Variants in ZNF528 observed in about 807,000 individuals in gnomAD.
The protein encoded by ZNF528 is zinc finger protein 528.
In ZNF528, 9 loss-of-function variants were observed where a neutral mutation model predicts 13.3. The observed-to-expected ratio is 0.67, with a 90% CI of 0.41 to 1.18. The LOEUF (loss-of-function observed/expected upper bound fraction) is 1.18, where lower values mean the gene tolerates loss of function less well. ZNF528 is among the 50% of genes most tolerant of loss of function. The pLI is 0.01. For synonymous variants in ZNF528, 264 were observed against 254.3 expected (o/e 1.04, Z -0.36); for missense variants, 858 against 745.4 (o/e 1.15, Z -1.76).
chr19:52,400,227 AACACACACACAC>A (rs56136198), intron 2 of ZNF528, among the ~76,000 whole-genome samples: 70 of 144,610 alleles, frequency 4.8e-4, no homozygotes, highest in African/African-American at 7.7e-4. Context: ...TGCCCATTAA[AACACACACACAC>A]ACACACACAC....
chr19:52,411,335 G>T (rs959835594), intron 6 of ZNF528: 2 of 152,146 alleles, frequency 1.3e-5, no homozygotes, highest in East Asian at 3.9e-4. Context: ...GTATAATAAA[G>T]AAACAATCCT....
rs760176221 is a variant in ZNF528, at chr19:52,415,615, A to G, written c.763A>G (p.Asn255Asp). Residue 255 changes from asparagine to aspartate, a missense_variant, in exon 7 of 7, where the codon AAC (asparagine) becomes GAC (aspartate). Asn to Asp is a conservative substitution (Grantham distance 23, BLOSUM62 1). Transcript: ENST00000360465. Reference protein sequence around the residue: ...ECGKLFSSNSNLSQHQRIHTG... With the variant: ...ECGKLFSSNSDLSQHQRIHTG... The stretch of plus-strand genomic sequence containing the variant: ...TGGCAAGCTCTTCAGTAGCAATTCA[A>G]ACCTTTCACAACATCAAAGAATTCA... The G allele has an allele frequency of 8.1e-6, 13 of 1,613,978 alleles. No individual in the cohort carries two copies. The highest frequency in any genetic ancestry group is 1.1e-5 in the South Asian group (1 of 91,078).
intron 4 of ZNF528, among the ~76,000 whole-genome samples, chr19:52,405,309 T>C (rs191166608): frequency 1.3e-5 from 2 of 151,222 alleles, no homozygotes; most frequent in Admixed American, 6.6e-5. Context: ...GGTGGGAGGA[T>C]AGCTTGAGTT....
Position 52,415,419 on chromosome 19 carries a change from T to A in ZNF528, c.567T>A (p.Asn189Lys). Reference protein sequence around the residue: ...AHIREKAYKCNEHGQVFRASA... With the variant: ...AHIREKAYKCKEHGQVFRASA... Reference sequence around the variant, plus strand: ...TTAGGGAAAAAGCTTATAAATGTAATGAGCACGGCCAAGTCTTTAGAGCAT... The same window carrying A: ...TTAGGGAAAAAGCTTATAAATGTAAAGAGCACGGCCAAGTCTTTAGAGCAT... The change falls in exon 7 of 7, where the codon AAT (asparagine) becomes AAA (lysine). Residue 189 changes from asparagine to lysine, a missense_variant. By Grantham distance (94) the Asn-to-Lys change is moderately conservative. Transcript: ENST00000360465. The A allele has an allele frequency of 6.2e-7, 1 of 1,614,204 alleles. No individual in the cohort carries two copies. The highest frequency in any genetic ancestry group is 8.5e-7 in the Non-Finnish European group (1 of 1,180,040).
intron 6 of ZNF528, chr19:52,408,635 A>C (rs1395059211): frequency 6.6e-6 from 1 of 151,558 alleles, no homozygotes; most frequent in Non-Finnish European, 1.5e-5. Flanking sequence ...GTGCAATGGC[A>C]GGATCTTGGC....
chr19:52,399,270 T>C (rs1264207140), intron 2 of ZNF528, among the ~76,000 whole-genome samples: 2 of 152,136 alleles, frequency 1.3e-5, no homozygotes, highest in Non-Finnish European at 2.9e-5. Flanking sequence ...GATTGGAAAT[T>C]ATGATTGAAT....
intron 4 of ZNF528, among the ~76,000 whole-genome samples, chr19:52,405,347 A>G (rs923868998): frequency 5.9e-5 from 9 of 152,242 alleles, no homozygotes; most frequent in African/African-American, 1.7e-4. Context: ...CCTGAGCAAC[A>G]TGGTGAGACA....
chr19:52,402,410 T>A, intron 4 of ZNF528: 1 of 161,662 alleles, frequency 6.2e-6, no homozygotes, highest in Non-Finnish European at 1.3e-5. Context: ...TTCTTCTTTC[T>A]TTTTTTTTTT....
intron 4 of ZNF528, among the ~76,000 whole-genome samples, chr19:52,402,275 C>A (rs545314081): frequency 2.4e-4 from 36 of 152,044 alleles, no homozygotes; most frequent in Non-Finnish European, 4.6e-4. Flanking sequence ...TGGATGGAGA[C>A]GGGGTGTGGG....
intron 2 of ZNF528, among the ~76,000 whole-genome samples, chr19:52,400,857 CTT>C (rs1052682873): frequency 6.6e-6 from 1 of 152,086 alleles, no homozygotes; most frequent in Non-Finnish European, 1.5e-5. Context: ...GTCCTCCTGT[CTT>C]TTTCTGTCAG....
rs1309718560 is a variant in ZNF528 at position 52,415,664 on chromosome 19, G to A, written c.812G>A (p.Cys271Tyr). ...CATACTGGAGAGAAGCCTTACAAAT[G>A]TCATGAATGTGACAAGGTCTTTCGA... ...RIHTGEKPYKCHECDKVFRSS... is the reference protein window; with the variant it reads ...RIHTGEKPYKYHECDKVFRSS... The change falls in exon 7 of 7, where the codon TGT becomes TAT. Residue 271 changes from cysteine to tyrosine, a missense_variant. By Grantham distance (194) the Cys-to-Tyr change is radical. Transcript: ENST00000360465. 2 of 1,614,056 alleles carry A rather than the reference G, an allele frequency of 1.2e-6. No homozygotes were observed. Among genetic ancestry groups the A allele is most frequent in the African/African-American group, 2.7e-5 (2 of 74,934 alleles).
chr19:52,401,212 CA>C (rs1391448697), intron 2 of ZNF528, among the ~76,000 whole-genome samples: 1 of 152,108 alleles, frequency 6.6e-6, no homozygotes, highest in East Asian at 1.9e-4. Context: ...CATCCACAGG[CA>C]TCTCCACCTC....
At chr19:52,411,119 A>T (rs187110305) in intron 6 of ZNF528, among the ~76,000 whole-genome samples, 7 of 152,304 alleles carry the variant, frequency 4.6e-5, no homozygotes, top group African/African-American at 1.7e-4. Context: ...TGGCCAGAAG[A>T]ATATCATCCA....
intron 6 of ZNF528, among the ~76,000 whole-genome samples, chr19:52,409,064 C>T (rs1338600200): frequency 1.3e-5 from 2 of 152,048 alleles, no homozygotes; most frequent in African/African-American, 4.8e-5. Flanking sequence ...TTCTTCATTG[C>T]TGTTTTGCCT....
Position 52,398,574 on chromosome 19 carries a change from G to A in ZNF528, c.-182G>A, listed in dbSNP as rs1568674728. 1 of 985,426 alleles carries A rather than the reference G, an allele frequency of 1.0e-6. No individual in the cohort carries two copies. Among genetic ancestry groups the A allele is most frequent in the East Asian group, 1.1e-4 (1 of 8,814 alleles). The allele number at this position is 985,426 out of a possible 1,614,324, so 61.0% of individuals were successfully genotyped here. The stretch of plus-strand genomic sequence containing the variant: ...CAGAGGAAATAGAGAAATTTTGAAA[G>A]AGAAATGAAGAATGAGAGACCCATT... On this transcript the variant is annotated 5_prime_UTR_variant, in exon 2 of 7. Transcript: ENST00000360465.
At chr19:52,409,042 C>G (rs2058895726) in intron 6 of ZNF528, among the ~76,000 whole-genome samples, 1 of 152,100 alleles carries the variant, frequency 6.6e-6, no homozygotes, top group South Asian at 2.1e-4. Flanking sequence ...GTGAGTTTTG[C>G]TAAGTGTAGT....
Position 52,401,542 on chromosome 19 carries a change from T to A in ZNF528, c.-136-143T>A, listed in dbSNP as rs1349045337. The A allele has an allele frequency of 5.1e-6, 3 of 592,960 alleles. No homozygotes were observed. In the African/African-American group the frequency reaches 6.0e-5, roughly 12 times the overall value. 36.7% of individuals were successfully genotyped at this position (592,960 alleles called of 1,614,324 possible). On this transcript the variant is annotated intron_variant, in intron 2 of 6. Transcript: ENST00000360465. The stretch of plus-strand genomic sequence containing the variant: ...CATCTCCTGCCTCTGTTCTTCCCGC[T>A]CCCTCTACTGCAACTACACAGCCCC...
chr19:52,401,966 A>G lies in ZNF528; in HGVS notation c.-48A>G, dbSNP rs375181459. Reference sequence around the variant, plus strand: ...ATTCAGGATTCACTTCCAAAGAGACATATTATGCAAGGAAGCAACTTGGAA... The same window carrying G: ...ATTCAGGATTCACTTCCAAAGAGACGTATTATGCAAGGAAGCAACTTGGAA... On this transcript the variant is annotated 5_prime_UTR_variant, in exon 4 of 7. Coordinates refer to ENST00000360465, the MANE Select transcript of ZNF528 (RefSeq NM_032423.3). The G allele has an allele frequency of 7.6e-5, 122 of 1,614,094 alleles. No individual in the cohort carries two copies. The East Asian group carries it at 1.3e-3, about 17-fold the overall frequency.
In ZNF528 at chr19:52,405,954, G is replaced by T; in HGVS notation, c.63G>T (p.Glu21Asp). 4.3e-6 allele frequency: 7 copies of T among 1,612,240 alleles called. No individual in the cohort carries two copies. Among genetic ancestry groups the T allele is most frequent in the Non-Finnish European group, 5.9e-6 (7 of 1,178,684 alleles). The change falls in exon 5 of 7, where the codon GAG becomes GAT. Residue 21 changes from glutamate to aspartate, a missense_variant. By Grantham distance (45) the Glu-to-Asp change is conservative (BLOSUM62 2). Transcript: ENST00000360465. ...MDVAIEFSQE[E>D]WKCLDPAQRT... is the part of the protein sequence containing the mutation. ...TGGCCATAGAGTTCTCTCAGGAAGA[G>T]TGGAAATGCCTGGACCCTGCGCAGA...
Sources: allele counts gnomAD v4.1 joint callset (sites outside exome capture counted in the v4.1 genomes callset), GRCh38; gene constraint gnomAD v4.1.1; transcripts MANE v1.5; gene names NCBI Gene and HGNC (gene_info 2026-07-23, HGNC 2026-07-21).